Variants in USH2A observed in about 807,000 individuals in gnomAD.
The protein encoded by USH2A is usherin.
In USH2A, 443 loss-of-function variants were observed where a neutral mutation model predicts 538.9. The ratio of observed to expected loss-of-function variants is 0.82; its 90% CI spans 0.76 to 0.89. The LOEUF (loss-of-function observed/expected upper bound fraction) is 0.89. Ranked by LOEUF, USH2A falls within the 40% of genes least tolerant of loss-of-function variation. The pLI is 0.00. For synonymous variants in USH2A, 2,413 were observed against 2,273.5 expected (o/e 1.06, Z -1.75); for missense variants, 6,633 against 6,324.8 (o/e 1.05, Z -1.65).
At chr1:216,345,083 T>C (rs1422207951) in intron 4 of USH2A, among the ~76,000 whole-genome samples, 4 of 151,910 alleles carry the variant, frequency 2.6e-5, no homozygotes, top group Admixed American at 2.0e-4. Context: ...GCCTGAACTT[T>C]TGCGCAATGG....
In USH2A at chr1:215,782,987, C is replaced by T. The variant is rs1439967495; in HGVS notation, c.10388-52G>A. On this transcript the variant is annotated intron_variant, in intron 52 of 71. Transcript: ENST00000307340. ...AGTTTCTCTTATTTTCATTTTTTAA[C>T]CATCATATTAAAAGTGAATATCAAA... 2.6e-6 allele frequency: 4 copies of T among 1,540,436 alleles called. No homozygotes were observed. In the Admixed American group the frequency reaches 5.8e-5, roughly 22 times the overall value.
At chr1:215,874,835 G>A (rs563578818) in intron 43 of USH2A, among the ~76,000 whole-genome samples, 1 of 152,118 alleles carries the variant, frequency 6.6e-6, no homozygotes, top group Non-Finnish European at 1.5e-5. Context: ...GGGAGAATAG[G>A]AAATTACATA....
intron 37 of USH2A, among the ~76,000 whole-genome samples, chr1:215,956,280 G>T (rs1667067752): frequency 6.6e-6 from 1 of 152,154 alleles, no homozygotes; most frequent in Admixed American, 6.6e-5. Flanking sequence ...TTATATATCT[G>T]CCCCACGGCT....
chr1:215,900,353 G>T, intron 39 of USH2A, 136 bp from the exon 40 acceptor site: 2 of 970,740 alleles, frequency 2.1e-6, no homozygotes, highest in Non-Finnish European at 3.1e-6. Flanking sequence ...CATCAAATGA[G>T]ATCTCTTTTA....
intron 9 of USH2A, 86 bp from the exon 10 acceptor site, chr1:216,292,456 G>T: frequency 7.2e-7 from 1 of 1,393,986 alleles, no homozygotes; most frequent in Non-Finnish European, 9.9e-7. Context: ...TTCACCAGAA[G>T]TAAAGCACAT....
intron 38 of USH2A, among the ~76,000 whole-genome samples, chr1:215,920,903 G>A (rs1230047081): frequency 6.6e-6 from 1 of 151,954 alleles, no homozygotes; most frequent in Non-Finnish European, 1.5e-5. Context: ...GGCCATTCCA[G>A]TGAACAATTT....
In USH2A at chr1:216,365,031, G is replaced by C. The variant is rs762558966; in HGVS notation, c.706C>G (p.Pro236Ala). Residue 236 changes from proline (P) to alanine (A), a missense_variant, in exon 4 of 72, where the codon CCT becomes GCT. Transcript: ENST00000307340. The part of the protein sequence containing the change: ...FINGVEKDHT[P>A]FNARTLSGSI... ...CCACTTAGAGTTCTTGCATTGAAAG[G>C]TGTATGATCCTTCTCCACGCCATTG... 3 of 1,613,556 alleles carry C rather than the reference G, an allele frequency of 1.9e-6. No homozygotes were observed. The highest frequency in any genetic ancestry group is 1.3e-5 in the African/African-American group (1 of 74,922).
chr1:215,695,822 G>C (rs1181641927), intron 61 of USH2A, among the ~76,000 whole-genome samples: 1 of 152,040 alleles, frequency 6.6e-6, no homozygotes, highest in East Asian at 1.9e-4. Context: ...AACGATCTTG[G>C]CCACTGCAAC....
At chr1:216,039,653 A>T (rs889264484) in intron 32 of USH2A, among the ~76,000 whole-genome samples, 2 of 152,068 alleles carry the variant, frequency 1.3e-5, no homozygotes, top group Non-Finnish European at 2.9e-5. Flanking sequence ...TGCTAAGAAA[A>T]GAGCTTCTGT....
At position 216,246,774 on chromosome 1, in the gene USH2A, C is replaced by A; in HGVS notation, c.2620G>T (p.Val874Leu). Reference sequence around the variant, plus strand: ...CACTGATTACAGCGAAGACCTGTTACCCCTAATTTGCAAGGACATTGTCCT... The same window carrying A: ...CACTGATTACAGCGAAGACCTGTTAACCCTAATTTGCAAGGACATTGTCCT... ...STGQCPCKLG[V>L]TGLRCNQCEP... is the part of the protein sequence containing the mutation. The change falls in exon 13 of 72, where the codon GTA becomes TTA. Residue 874 changes from valine (V) to leucine (L), a missense_variant. Coordinates refer to ENST00000307340, the MANE Select transcript of USH2A (RefSeq NM_206933.4). 6.2e-7 allele frequency: 1 copy of A among 1,614,140 alleles called. No homozygotes were observed. Among genetic ancestry groups the A allele is most frequent in the Non-Finnish European group, 8.5e-7 (1 of 1,179,992 alleles).
intron 11 of USH2A, among the ~76,000 whole-genome samples, chr1:216,256,983 C>T (rs77767758): frequency 0.022 from 3,362 of 151,958 alleles, 59 homozygotes; most frequent in Middle Eastern, 0.12. Context: ...TGTGTTATTA[C>T]TGCCAAACAT....
intron 55 of USH2A, among the ~76,000 whole-genome samples, chr1:215,774,476 C>CA (rs1171277596): frequency 6.6e-6 from 1 of 151,494 alleles, no homozygotes; most frequent in Non-Finnish European, 1.5e-5. Context: ...AATATAACAA[C>CA]AAAAATATAA....
chr1:215,730,824 G>A (rs573069690), intron 60 of USH2A, among the ~76,000 whole-genome samples: 5 of 152,220 alleles, frequency 3.3e-5, no homozygotes, highest in East Asian at 3.9e-4. Flanking sequence ...ACTACCATGC[G>A]TGAACCAGAT....
rs1659097701 is a variant in USH2A, at chr1:215,703,645, T to C, written c.12067-23269A>G. On this transcript the variant is annotated intron_variant, in intron 61 of 71. Transcript: ENST00000307340. The stretch of plus-strand genomic sequence containing the variant: ...AAACCACCTACTCAAGCCTCCATAA[T>C]GGTGGACATCCCTCCCCGAACCAAG... 3.3e-5 allele frequency among the ~76,000 whole-genome samples: 5 copies of C among 152,254 alleles called. No homozygotes were observed. In the South Asian group the frequency reaches 1.0e-3, roughly 32 times the overall value.
In USH2A at chr1:215,872,207, G is replaced by T. The variant is rs182229221; in HGVS notation, c.8682-5037C>A. On this transcript the variant is annotated intron_variant, in intron 43 of 71. Coordinates refer to ENST00000307340, the MANE Select transcript of USH2A (RefSeq NM_206933.4). ...TTCCTTACATCTTCAAATCTTTTGTGGGAATAGCAAACAAAGAAAAATGAA... is the reference window on the plus strand; with the variant it reads ...TTCCTTACATCTTCAAATCTTTTGTTGGAATAGCAAACAAAGAAAAATGAA... Among the ~76,000 whole-genome samples the T allele has an allele frequency of 1.8e-3, 275 of 152,168 alleles. 2 individuals carry two copies. The highest frequency in any genetic ancestry group is 6.1e-3 in the African/African-American group (253 of 41,516).
intron 9 of USH2A, among the ~76,000 whole-genome samples, chr1:216,313,014 A>G (rs776265094): frequency 6.6e-5 from 10 of 151,898 alleles, no homozygotes; most frequent in Non-Finnish European, 1.5e-4. Flanking sequence ...GGCACCAGGG[A>G]TCGGTTTTGT....
At chr1:215,986,943 A>C (rs192072830) in intron 35 of USH2A, among the ~76,000 whole-genome samples, 1 of 152,372 alleles carries the variant, frequency 6.6e-6, no homozygotes, top group African/African-American at 2.4e-5. Context: ...TCTAATAAAG[A>C]AACTATTTTA....
At chr1:216,086,176 G>A (rs2032129093) in intron 24 of USH2A, among the ~76,000 whole-genome samples, 1 of 151,990 alleles carries the variant, frequency 6.6e-6, no homozygotes, top group African/African-American at 2.4e-5. Context: ...CTAAAAATAT[G>A]AGAATCACTT....
intron 20 of USH2A, among the ~76,000 whole-genome samples, chr1:216,176,852 T>C (rs4971260): frequency 0.63 from 95,664 of 152,004 alleles, 30,349 homozygotes; most frequent in East Asian, 0.76. Flanking sequence ...TAAGTTTCCT[T>C]CATGTCTTTT....
Sources: gnomAD v4.1 joint callset for allele counts (sites outside exome capture counted in the v4.1 genomes callset) on GRCh38, gnomAD v4.1.1 for gene constraint, MANE v1.5 for transcripts, NCBI Gene and HGNC (gene_info 2026-07-23, HGNC 2026-07-21) for gene names.